Variants in MYO18B observed in about 807,000 individuals in gnomAD.
The protein encoded by MYO18B is unconventional myosin-XVIIIb.
MYO18B carries 204 observed loss-of-function variants against 273.0 expected under a neutral mutation model. The ratio of observed to expected loss-of-function variants is 0.75; its 90% CI spans 0.67 to 0.84. The LOEUF is 0.84. Among genes scored for constraint, MYO18B ranks in the 40% least tolerant of loss-of-function variants. The pLI, the probability that MYO18B is intolerant of heterozygous loss-of-function variation, is 0.00. For synonymous variants in MYO18B, 1,330 were observed against 1,305.7 expected (o/e 1.02, Z -0.40); for missense variants, 3,212 against 3,287.6 (o/e 0.98, Z 0.56).
chr22:25,967,056 T>C (rs1230129067), intron 39 of MYO18B, among the ~76,000 whole-genome samples: 1 of 152,220 alleles, frequency 6.6e-6, no homozygotes, highest in Non-Finnish European at 1.5e-5. Context: ...GAATTTAAAG[T>C]TGCTAATACC....
the MYO18B span, among the ~76,000 whole-genome samples, chr22:26,062,324 G>A: frequency 6.6e-6 from 1 of 152,088 alleles, no homozygotes; most frequent in East Asian, 1.9e-4. Context: ...GAGTCCTTAG[G>A]GAGACTTTTC....
At chr22:25,948,521 T>C (rs55912930) in intron 36 of MYO18B, among the ~76,000 whole-genome samples, 10,645 of 114,000 alleles carry the variant, frequency 0.093, 662 homozygotes, top group South Asian at 0.14. Context: ...TCTTTCCTTC[T>C]TTCTTTCTTC....
intron 25 of MYO18B, among the ~76,000 whole-genome samples, chr22:25,887,515 T>G (rs1450526302): frequency 6.6e-6 from 1 of 152,180 alleles, no homozygotes; most frequent in East Asian, 1.9e-4. Flanking sequence ...TTTGGCCAAG[T>G]GGTAGATCCG....
At chr22:25,863,514 C>A (rs978610241) in intron 21 of MYO18B, among the ~76,000 whole-genome samples, 14 of 151,782 alleles carry the variant, frequency 9.2e-5, no homozygotes, top group Non-Finnish European at 1.6e-4. Context: ...GGATCTGTCT[C>A]CTCATGGTGT....
chr22:26,005,476 G>A (rs991217980), intron 42 of MYO18B, among the ~76,000 whole-genome samples: 3 of 152,058 alleles, frequency 2.0e-5, no homozygotes, highest in African/African-American at 7.2e-5. Flanking sequence ...AACAACAACC[G>A]CCTCCAATAA....
At chr22:25,821,515 C>T (rs998864825) in intron 12 of MYO18B, among the ~76,000 whole-genome samples, 2 of 152,146 alleles carry the variant, frequency 1.3e-5, no homozygotes, top group African/African-American at 2.4e-5. Context: ...TGGGGGCTCA[C>T]GCCTGTAATC....
chr22:25,831,159 C>T (rs2089692853), intron 15 of MYO18B, among the ~76,000 whole-genome samples: 1 of 152,094 alleles, frequency 6.6e-6, no homozygotes, highest in African/African-American at 2.4e-5. Context: ...TTGGATCTTC[C>T]TGTATATATG....
intron 27 of MYO18B, among the ~76,000 whole-genome samples, chr22:25,893,760 T>C (rs534860380): frequency 1.3e-5 from 2 of 151,208 alleles, no homozygotes; most frequent in South Asian, 2.1e-4. Context: ...TCCATCCATC[T>C]ATCCATCCAT....
chr22:25,998,204 T>G (rs760420452), intron 40 of MYO18B, among the ~76,000 whole-genome samples: 2 of 152,214 alleles, frequency 1.3e-5, no homozygotes, highest in Non-Finnish European at 2.9e-5. Flanking sequence ...TAACTTGCAC[T>G]GTGGCATCAA....
chr22:25,983,431 T>G (rs1410522938), intron 39 of MYO18B: 1 of 152,172 alleles, frequency 6.6e-6, no homozygotes, highest in Non-Finnish European at 1.5e-5. Flanking sequence ...AATATGGACA[T>G]GGAAAAGTGT....
chr22:25,924,478 A>T (rs937381994), intron 34 of MYO18B, among the ~76,000 whole-genome samples: 1 of 152,258 alleles, frequency 6.6e-6, no homozygotes, highest in Non-Finnish European at 1.5e-5. Context: ...AAGAAGACAA[A>T]CAATGATACG....
chr22:25,760,569 T>G (rs1006689941), intron 1 of MYO18B, among the ~76,000 whole-genome samples: 4 of 152,186 alleles, frequency 2.6e-5, no homozygotes, highest in Non-Finnish European at 2.9e-5. Flanking sequence ...TCCCTCATGC[T>G]TCTTCCCAAC....
intron 11 of MYO18B, among the ~76,000 whole-genome samples, chr22:25,792,492 C>CTTTTT (rs56047312): frequency 9.3e-5 from 3 of 32,402 alleles, no homozygotes; most frequent in South Asian, 1.4e-3. Flanking sequence ...TTTTTTTTTT[C>CTTTTT]TTTTCTTTTT....
At chr22:25,985,433 A>C (rs2093191450) in intron 39 of MYO18B, among the ~76,000 whole-genome samples, 1 of 152,134 alleles carries the variant, frequency 6.6e-6, no homozygotes, top group Non-Finnish European at 1.5e-5. Flanking sequence ...ATTATGAGGA[A>C]AGGACCCTGT....
In MYO18B at chr22:25,768,609, GA is replaced by G. The variant is rs983593929; in HGVS notation, c.699del (p.Gly234AlafsTer7). ...ACCCAGGCCAAGGAACTGTGGCACT[GA>G]AAAAAGGCGAGGAGGGTCAAAGCAT... ...GDPGQGTVALKKGEEGQSIVG... is the reference protein window; with the variant it reads ...GDPGQGTVALXKGEEGQSIVG... On this transcript the variant is annotated frameshift_variant, in exon 4 of 44. Coordinates refer to ENST00000335473, the MANE Select transcript of MYO18B (RefSeq NM_032608.7). LOFTEE classifies it high-confidence loss of function. 4 of 1,525,388 alleles carry G rather than the reference GA, an allele frequency of 2.6e-6. No homozygotes were observed. Among genetic ancestry groups the G allele is most frequent in the South Asian group, 1.3e-5 (1 of 74,618 alleles). 94.5% of individuals were successfully genotyped at this position (1,525,388 alleles called of 1,614,324 possible).
intron 12 of MYO18B, among the ~76,000 whole-genome samples, chr22:25,804,053 G>T (rs796371105): frequency 6.6e-6 from 1 of 151,472 alleles, no homozygotes; most frequent in South Asian, 2.1e-4. Context: ...TTCTGTATTC[G>T]TGAGTTTGAA....
Position 26,007,331 on chromosome 22 carries a change from G to A in MYO18B, c.6470+2476G>A, listed in dbSNP as rs377441386. ...CAGCATTGATTGTGGCACAGAGAGG[G>A]TTGGTAGTTTACTAATAGCACAAAG... On this transcript the variant is annotated intron_variant, in intron 42 of 43. Transcript: ENST00000335473. 1.3e-4 allele frequency among the ~76,000 whole-genome samples: 20 copies of A among 152,284 alleles called. No individual in the cohort carries two copies. In the South Asian group the frequency reaches 3.9e-3, roughly 30 times the overall value.
intron 42 of MYO18B, among the ~76,000 whole-genome samples, chr22:26,024,094 A>G (rs1601858273): frequency 6.6e-6 from 1 of 152,168 alleles, no homozygotes; most frequent in South Asian, 2.1e-4. Flanking sequence ...TCATTCTTCT[A>G]TGCATCCCTC....
chr22:25,972,849 C>T (rs761038565), intron 39 of MYO18B, among the ~76,000 whole-genome samples: 13 of 151,476 alleles, frequency 8.6e-5, no homozygotes, highest in South Asian at 2.1e-4. Context: ...CCTGCTACTC[C>T]GGTGGCTGAG....
Sources: gnomAD v4.1 joint callset for allele counts (sites outside exome capture counted in the v4.1 genomes callset) on GRCh38, gnomAD v4.1.1 for gene constraint, MANE v1.5 for transcripts, NCBI Gene and HGNC (gene_info 2026-07-23, HGNC 2026-07-21) for gene names.